Variants in MEIS1 observed in about 807,000 individuals in gnomAD.
MEIS1 encodes the protein homeobox protein Meis1.
Under a neutral mutation model 50.8 loss-of-function variants are expected in MEIS1, and 5 were observed. The observed-to-expected ratio is 0.10, with a 90% CI of 0.05 to 0.21. MEIS1 has a LOEUF of 0.21. Among genes scored for constraint, MEIS1 ranks in the 10% least tolerant of loss-of-function variants. The probability of loss-of-function intolerance (pLI) is 1.00; values close to 1 mark genes in which losing one functional copy is unlikely to be tolerated. For synonymous variants in MEIS1, 176 were observed against 179.3 expected (o/e 0.98, Z 0.15); for missense variants, 318 against 517.3 (o/e 0.61, Z 3.74).
chr2:66,439,416 C>G, intron 2 of MEIS1: 1 of 1,297,430 alleles, frequency 7.7e-7, no homozygotes, highest in Non-Finnish European at 9.7e-7. Flanking sequence ...GCGCGGCCGC[C>G]TAGGAGGAAC....
chr2:66,537,428 A>G (rs1050010545), intron 8 of MEIS1, among the ~76,000 whole-genome samples: 2 of 152,172 alleles, frequency 1.3e-5, no homozygotes, highest in Non-Finnish European at 1.5e-5. Flanking sequence ...CTCTAATGAG[A>G]TGAGGCTACA....
chr2:66,440,781 C>T, intron 4 of MEIS1, 169 bp downstream of exon 4: 2 of 576,270 alleles, frequency 3.5e-6, no homozygotes, highest in Non-Finnish European at 6.2e-6. Context: ...GACAAGATCC[C>T]GGGGAAATAA....
intron 6 of MEIS1, among the ~76,000 whole-genome samples, chr2:66,462,152 C>G (rs146398405): frequency 0.011 from 1,613 of 152,288 alleles, 10 homozygotes; most frequent in Non-Finnish European, 0.014. Flanking sequence ...AGGAATAATT[C>G]TTTGGTTCTA....
At chr2:66,558,451 G>A (rs1675130330) in intron 9 of MEIS1, among the ~76,000 whole-genome samples, 3 of 152,018 alleles carry the variant, frequency 2.0e-5, no homozygotes, top group Admixed American at 2.0e-4. Context: ...TTTTGCTAAT[G>A]TTATTGTCTT....
At chr2:66,488,884 G>A (rs562319012) in intron 7 of MEIS1, among the ~76,000 whole-genome samples, 5 of 152,138 alleles carry the variant, frequency 3.3e-5, no homozygotes, top group African/African-American at 7.2e-5. Context: ...CATTAAAAGC[G>A]GGGAGGTAAA....
intron 8 of MEIS1, among the ~76,000 whole-genome samples, chr2:66,544,684 G>A (rs1377964916): frequency 6.6e-6 from 1 of 152,110 alleles, no homozygotes; most frequent in Non-Finnish European, 1.5e-5. Context: ...AATGGAGACA[G>A]AGTGCTGAGC....
At chr2:66,532,681 C>A (rs1674423234) in intron 8 of MEIS1, among the ~76,000 whole-genome samples, 2 of 151,962 alleles carry the variant, frequency 1.3e-5, no homozygotes, top group African/African-American at 4.8e-5. Flanking sequence ...TAAATGAAGC[C>A]ATTAAACAAA....
At chr2:66,452,265 T>G (rs964091891) in intron 6 of MEIS1, among the ~76,000 whole-genome samples, 4 of 151,938 alleles carry the variant, frequency 2.6e-5, no homozygotes, top group African/African-American at 7.2e-5. Flanking sequence ...TCCTAAGAGA[T>G]GTAGTGTCAG....
intron 8 of MEIS1, among the ~76,000 whole-genome samples, chr2:66,515,240 A>G (rs1673936838): frequency 6.6e-6 from 1 of 152,196 alleles, no homozygotes; most frequent in Non-Finnish European, 1.5e-5. Context: ...ATGTCAAAAG[A>G]CATATTCGAA....
At chr2:66,503,736 ATTTTTTT>A (rs70943702) in intron 7 of MEIS1, among the ~76,000 whole-genome samples, 3 of 77,800 alleles carry the variant, frequency 3.9e-5, no homozygotes, top group African/African-American at 5.7e-5. Context: ...TATATGGGGC[ATTTTTTT>A]TTTTTTTTTT....
intron 8 of MEIS1, among the ~76,000 whole-genome samples, chr2:66,547,687 A>G (rs1674823610): frequency 1.3e-5 from 2 of 152,178 alleles, no homozygotes; most frequent in African/African-American, 4.8e-5. Flanking sequence ...TGTGTTTGCA[A>G]CAAATAAAGC....
chr2:66,440,319 C>A (rs1671937419), intron 3 of MEIS1: 1 of 599,802 alleles, frequency 1.7e-6, no homozygotes, highest in Non-Finnish European at 3.0e-6. Flanking sequence ...TGAGCAGCCT[C>A]CCCGAGAGCC....
intron 9 of MEIS1, among the ~76,000 whole-genome samples, chr2:66,552,077 T>G (rs1412745577): frequency 6.6e-6 from 1 of 152,022 alleles, no homozygotes; most frequent in Admixed American, 6.6e-5. Flanking sequence ...TGGTTGTTTT[T>G]TCTCCTGAAT....
At chr2:66,517,682 G>A (rs116177326) in intron 8 of MEIS1, among the ~76,000 whole-genome samples, 3,162 of 152,178 alleles carry the variant, frequency 0.021, 48 homozygotes, top group Non-Finnish European at 0.033. Context: ...CACTCAAGTG[G>A]GAATCATCAG....
chr2:66,570,524 T>C (rs965111032), intron 12 of MEIS1: 4 of 152,194 alleles, frequency 2.6e-5, no homozygotes, highest in Admixed American at 2.6e-4. Flanking sequence ...AGTGCACTAT[T>C]ACTTAGAACT....
In MEIS1 at chr2:66,463,392, C is replaced by T. The variant is rs910609538; in HGVS notation, c.631-717C>T. 3.9e-5 allele frequency among the ~76,000 whole-genome samples: 6 copies of T among 152,020 alleles called. No homozygotes were observed. In the South Asian group the frequency reaches 6.2e-4, roughly 16 times the overall value. Reference sequence around the variant, plus strand: ...ATAAAGAGAGATTTGGGAGAGGTGTCGCCATGATTGTTTTCCTCAAGAATT... The same window carrying T: ...ATAAAGAGAGATTTGGGAGAGGTGTTGCCATGATTGTTTTCCTCAAGAATT... On this transcript the variant is annotated intron_variant, in intron 6 of 12. Coordinates refer to ENST00000272369, the MANE Select transcript of MEIS1 (RefSeq NM_002398.3).
At chr2:66,491,854 T>C (rs1049043551) in intron 7 of MEIS1, among the ~76,000 whole-genome samples, 1 of 152,036 alleles carries the variant, frequency 6.6e-6, no homozygotes, top group African/African-American at 2.4e-5. Context: ...GCTTATTGCA[T>C]GATATAAGGA....
chr2:66,486,407 T>C (rs11726939), intron 7 of MEIS1, among the ~76,000 whole-genome samples: 1 of 152,202 alleles, frequency 6.6e-6, no homozygotes, highest in Non-Finnish European at 1.5e-5. Context: ...CAGATGGTTG[T>C]AGAGGTGTGG....
intron 7 of MEIS1, among the ~76,000 whole-genome samples, chr2:66,507,161 C>T (rs1673703191): frequency 6.6e-6 from 1 of 152,202 alleles, no homozygotes; most frequent in African/African-American, 2.4e-5. Flanking sequence ...CATAAGCATA[C>T]TTTTGAATGG....
Sources: gnomAD v4.1 joint callset for allele counts (sites outside exome capture counted in the v4.1 genomes callset) on GRCh38, gnomAD v4.1.1 for gene constraint, MANE v1.5 for transcripts, NCBI Gene and HGNC (gene_info 2026-07-23, HGNC 2026-07-21) for gene names.